The following CEP162 variants were observed in gnomAD, a reference collection of about 807,000 sequenced individuals.
The protein encoded by CEP162 is centrosomal protein of 162 kDa.
CEP162 carries 141 observed loss-of-function variants against 169.2 expected under a neutral mutation model. That is an observed-to-expected ratio of 0.83 (90% CI 0.73 to 0.96). The LOEUF is 0.96. Ranked by LOEUF, CEP162 falls within the 40% of genes least tolerant of loss-of-function variation. The probability of loss-of-function intolerance (pLI) is 0.00; values close to 1 mark genes in which losing one functional copy is unlikely to be tolerated. For synonymous variants in CEP162, 540 were observed against 526.4 expected (o/e 1.03, Z -0.35); for missense variants, 1,600 against 1,587.2 (o/e 1.01, Z -0.14).
At chr6:84,147,466 C>T (rs778045613) in intron 24 of CEP162, among the ~76,000 whole-genome samples, 38 of 152,072 alleles carry the variant, frequency 2.5e-4, no homozygotes, top group Admixed American at 1.4e-3. Flanking sequence ...GTGTATTTCA[C>T]GGTAACTAGA....
intron 7 of CEP162, among the ~76,000 whole-genome samples, chr6:84,202,256 C>G (rs995860261): frequency 1.3e-5 from 2 of 152,142 alleles, no homozygotes; most frequent in African/African-American, 4.8e-5. Context: ...AGCTAGACAG[C>G]TGAAGTTCTT....
chr6:84,217,185 A>C lies in CEP162; in HGVS notation c.173-1263T>G, dbSNP rs551853239. Among the ~76,000 whole-genome samples the C allele has an allele frequency of 5.9e-5, 9 of 152,340 alleles. No individual in the cohort carries two copies. The East Asian group carries it at 9.6e-4, about 16-fold the overall frequency. ...GGGCTTTATCAGTGAATAAAAAAAA[A>C]CAAAAATCCCTGCTTATTCATGTGA... On this transcript the variant is annotated intron_variant, in intron 3 of 26. Coordinates refer to ENST00000403245, the MANE Select transcript of CEP162 (RefSeq NM_014895.4).
rs766997189 is a variant in CEP162, at chr6:84,152,694, T to C, written c.3480A>G (p.Gln1160=). 6.8e-6 allele frequency: 11 copies of C among 1,612,842 alleles called. No homozygotes were observed. In the African/African-American group the frequency reaches 1.3e-4, roughly 20 times the overall value. ...FPGTLDSKLY[Q]PHTFTDSHVS... is the part of the protein sequence containing the mutation. ...CATGGGAATCAGTGAAAGTATGTGGTTGGTACAGCTTGCTGTCCAGGGTTC... is the reference window on the plus strand; with the variant it reads ...CATGGGAATCAGTGAAAGTATGTGGCTGGTACAGCTTGCTGTCCAGGGTTC... The change falls in exon 23 of 27, where the codon CAA becomes CAG. Residue 1160 remains glutamine, a synonymous_variant. Transcript: ENST00000403245.
At chr6:84,195,794 CACTT>C (rs2099541895) in intron 9 of CEP162, among the ~76,000 whole-genome samples, 1 of 152,166 alleles carries the variant, frequency 6.6e-6, no homozygotes, top group African/African-American at 2.4e-5. Flanking sequence ...GAATGCCTCT[CACTT>C]ACTAGTTTTT....
chr6:84,202,976 T>C (rs2099545252), intron 7 of CEP162, among the ~76,000 whole-genome samples: 1 of 152,112 alleles, frequency 6.6e-6, no homozygotes, highest in Non-Finnish European at 1.5e-5. Context: ...TGAGTCCACG[T>C]TTTCATTCAT....
rs190654685 is a variant in CEP162, at chr6:84,130,726, C to T, written c.3871-4214G>A. On this transcript the variant is annotated intron_variant, in intron 25 of 26. Transcript: ENST00000403245. ...ATATCCCCTTTATCATTTTTTATTG[C>T]GTCTATTTGATTCTTCTCTCTTCTC... Among the ~76,000 whole-genome samples, 203 of 151,806 alleles carry T rather than the reference C, an allele frequency of 1.3e-3. 1 individual carries two copies. Among genetic ancestry groups the T allele is most frequent in the African/African-American group, 4.0e-3 (166 of 41,412 alleles).
In CEP162 at chr6:84,174,766, GAGTTCTTTTTCCTGTTGTTTCTTT is replaced by G; in HGVS notation, c.1962_1985del (p.Lys655_Leu662del). The G allele has an allele frequency of 6.9e-7, 1 of 1,459,800 alleles. No homozygotes were observed. Among genetic ancestry groups the G allele is most frequent in the East Asian group, 2.3e-5 (1 of 42,950 alleles). 90.4% of individuals were successfully genotyped at this position (1,459,800 alleles called of 1,614,324 possible). A position where few individuals can be genotyped will look rare whatever the true frequency, so the allele number is the denominator to read the frequency against. The stretch of plus-strand genomic sequence containing the variant: ...TATAATTATCTTGATTCAATTTGAA[GAGTTCTTTTTCCTGTTGTTTCTTT>G]AGTTCTTCCAACTTATTTTCTAGTT... On this transcript the variant is annotated inframe_deletion, in exon 15 of 27. Transcript: ENST00000403245.
chr6:84,128,789 C>G (rs1384867130), intron 25 of CEP162, among the ~76,000 whole-genome samples: 1 of 151,962 alleles, frequency 6.6e-6, no homozygotes, highest in Admixed American at 6.6e-5. Flanking sequence ...GTTTGCTGCA[C>G]CCATCAACCC....
intron 23 of CEP162, among the ~76,000 whole-genome samples, chr6:84,149,915 G>A (rs1166656334): frequency 6.6e-6 from 1 of 151,568 alleles, no homozygotes; most frequent in Non-Finnish European, 1.5e-5. Flanking sequence ...AATTTTATAA[G>A]GGCAAACTTG....
chr6:84,152,850 C>T lies in CEP162; in HGVS notation c.3324G>A (p.Val1108=). The stretch of plus-strand genomic sequence containing the variant: ...TTCTTCTGTCTTTCTGAAGCCTCTC[C>T]ACAGTTTTTGAGAGGTCTTGTATTT... ...KREIQDLSKT[V]ERLQKDRRMM... is the part of the protein sequence containing the mutation. The change falls in exon 23 of 27, where the codon GTG becomes GTA. Residue 1108 remains valine, a synonymous_variant. Transcript: ENST00000403245. The T allele has an allele frequency of 3.7e-6, 6 of 1,613,628 alleles. No individual in the cohort carries two copies. Among genetic ancestry groups the T allele is most frequent in the Non-Finnish European group, 4.2e-6 (5 of 1,179,762 alleles).
intron 19 of CEP162, 132 bp downstream of exon 19, chr6:84,163,012 A>G: frequency 1.1e-6 from 1 of 869,804 alleles, no homozygotes; most frequent in Non-Finnish European, 1.7e-6. Context: ...ACTAATTTTA[A>G]AAAATGTTTC....
chr6:84,165,754 T>A (rs1289339669), intron 18 of CEP162, among the ~76,000 whole-genome samples: 2 of 152,192 alleles, frequency 1.3e-5, no homozygotes, highest in Non-Finnish European at 2.9e-5. Context: ...AACTCTGTTT[T>A]ATACTGTCTT....
chr6:84,184,392 C>CT (rs2099536214), intron 13 of CEP162, among the ~76,000 whole-genome samples: 1 of 152,084 alleles, frequency 6.6e-6, no homozygotes, highest in South Asian at 2.1e-4. Context: ...CATTCCACTC[C>CT]TCCTATTCTC....
Position 84,174,722 on chromosome 6 carries a change from A to T in CEP162, c.2025+5T>A. 1 of 1,269,280 alleles carries T rather than the reference A, an allele frequency of 7.9e-7. No individual in the cohort carries two copies. Among genetic ancestry groups the T allele is most frequent in the Non-Finnish European group, 1.1e-6 (1 of 891,748 alleles). The allele number at this position is 1,269,280 out of a possible 1,614,324, so 78.6% of individuals were successfully genotyped here. On this transcript the variant is annotated splice_donor_5th_base_variant and intron_variant, in intron 15 of 26. Transcript: ENST00000403245. ...AAAAAAATACCAGAACAATGTATCT[A>T]GTACCTTGGCTTGAAGAATATAATT... is the stretch of plus-strand genomic sequence containing the variant.
At position 84,125,887 on chromosome 6, in the gene CEP162, C is replaced by T. The variant is rs545390352; in HGVS notation, c.4005+491G>A. Among the ~76,000 whole-genome samples the T allele has an allele frequency of 8.5e-5, 13 of 152,198 alleles. No homozygotes were observed. The South Asian group carries it at 2.7e-3, about 32-fold the overall frequency. The stretch of plus-strand genomic sequence containing the variant: ...AAGCAGACTAATACACTGTTCAAAC[C>T]AAGTTAAATTTCAGCACCAAGGCAA... On this transcript the variant is annotated intron_variant, in intron 26 of 26. Coordinates refer to ENST00000403245, the MANE Select transcript of CEP162 (RefSeq NM_014895.4).
intron 2 of CEP162, among the ~76,000 whole-genome samples, 168 bp downstream of exon 2, chr6:84,226,169 T>C (rs1023505791): frequency 2.0e-5 from 3 of 151,816 alleles, no homozygotes; most frequent in Admixed American, 6.6e-5. Context: ...CATAGCCCAG[T>C]TGAGATGATG....
intron 21 of CEP162, among the ~76,000 whole-genome samples, chr6:84,157,683 T>C (rs572809125): frequency 1.2e-3 from 188 of 152,134 alleles, no homozygotes; most frequent in Non-Finnish European, 2.2e-3. Context: ...AAAAGAAATA[T>C]GTCTTCAGAC....
At chr6:84,143,807 T>C (rs535292931) in intron 25 of CEP162, among the ~76,000 whole-genome samples, 1 of 152,112 alleles carries the variant, frequency 6.6e-6, no homozygotes, top group Non-Finnish European at 1.5e-5. Flanking sequence ...GGTCTGCTCT[T>C]GATAAGAGAT....
chr6:84,181,388 C>T (rs913652989), intron 13 of CEP162, among the ~76,000 whole-genome samples: 7 of 152,112 alleles, frequency 4.6e-5, no homozygotes, highest in South Asian at 2.1e-4. Flanking sequence ...AGACGTAAAA[C>T]CATAAAAACC....
Sources: gnomAD v4.1 joint callset for allele counts (sites outside exome capture counted in the v4.1 genomes callset) on GRCh38, gnomAD v4.1.1 for gene constraint, MANE v1.5 for transcripts, NCBI Gene and HGNC (gene_info 2026-07-23, HGNC 2026-07-21) for gene names.